Variants in TMEM30A observed in about 807,000 individuals in gnomAD.
TMEM30A encodes the protein cell cycle control protein 50A.
A neutral mutation model predicts 38.2 loss-of-function variants in TMEM30A; 24 were observed. That is an observed-to-expected ratio of 0.63 (90% CI 0.46 to 0.88). The LOEUF (loss-of-function observed/expected upper bound fraction) is 0.88, where lower values mean the gene tolerates loss of function less well. Ranked by LOEUF, TMEM30A falls within the 40% of genes least tolerant of loss-of-function variation. TMEM30A has a pLI of 0.00. For missense variants in TMEM30A, 370 were observed against 458.6 expected, an observed-to-expected ratio of 0.81 and a Z score of 1.77; for synonymous variants, 145 against 161.6, an observed-to-expected ratio of 0.90 and a Z score of 0.78.
At chr6:75,277,130 A>C (rs1165011205) in intron 1 of TMEM30A, among the ~76,000 whole-genome samples, 1 of 152,158 alleles carries the variant, frequency 6.6e-6, no homozygotes, top group African/African-American at 2.4e-5. Context: ...TAAGGAGTTA[A>C]AGGGAGATGG....
rs1772422354 is a variant in TMEM30A, at chr6:75,284,419, TGTTGGAG to T, written c.213_219del (p.Ser72ThrfsTer26). ...CCCCTCACCTCGATCTCGCGGATGT[TGTTGGAG>T]GTGACAAAAATGCCAATGCCGATGG... On this transcript the variant is annotated frameshift_variant, in exon 1 of 7. Coordinates refer to ENST00000230461, the MANE Select transcript of TMEM30A (RefSeq NM_018247.4). LOFTEE classifies it high-confidence loss of function. 6.2e-7 allele frequency: 1 copy of T among 1,613,764 alleles called. No individual in the cohort carries two copies. Among genetic ancestry groups the T allele is most frequent in the Non-Finnish European group, 8.5e-7 (1 of 1,179,874 alleles).
At position 75,253,089 on chromosome 6, in the gene TMEM30A, G is replaced by A. The variant is rs993972135; in HGVS notation, c.*3013C>T. On this transcript the variant is annotated 3_prime_UTR_variant, in exon 7 of 7. Coordinates refer to ENST00000230461, the MANE Select transcript of TMEM30A (RefSeq NM_018247.4). ...CTTATGCATCAAAATTCTTGTAAAA[G>A]GACCACTTCCCTACTCCCTCCACCC... 2.0e-5 allele frequency: 3 copies of A among 151,428 alleles called. No homozygotes were observed. The highest frequency in any genetic ancestry group is 4.4e-5 in the Non-Finnish European group (3 of 67,928). 9.4% of individuals were successfully genotyped at this position (151,428 alleles called of 1,614,324 possible). A position where few individuals can be genotyped will look rare whatever the true frequency, so the allele number is the denominator to read the frequency against.
At chr6:75,259,013 GA>G (rs1420424672) in intron 5 of TMEM30A, 27 bp from the exon 6 acceptor site, 1 of 1,575,680 alleles carries the variant, frequency 6.3e-7, no homozygotes, top group Admixed American at 1.7e-5. Flanking sequence ...AGGGGATAAG[GA>G]GACAAAATAT....
At chr6:75,271,277 G>C (rs1772164288) in intron 1 of TMEM30A, among the ~76,000 whole-genome samples, 1 of 152,000 alleles carries the variant, frequency 6.6e-6, no homozygotes, top group Non-Finnish European at 1.5e-5. Flanking sequence ...AAAATAATCT[G>C]ATGGAATTTG....
chr6:75,258,411 A>T (rs981387752), intron 6 of TMEM30A, among the ~76,000 whole-genome samples: 1 of 152,084 alleles, frequency 6.6e-6, no homozygotes, highest in Admixed American at 6.6e-5. Flanking sequence ...TAATATCTAA[A>T]ATATATATAT....
intron 1 of TMEM30A, among the ~76,000 whole-genome samples, chr6:75,284,028 G>GC (rs1312964966): frequency 4.6e-5 from 7 of 150,814 alleles, no homozygotes; most frequent in African/African-American, 7.3e-5. Context: ...AGTTACAATT[G>GC]CCCCCCGCCC....
At position 75,258,982 on chromosome 6, in the gene TMEM30A, T is replaced by C. The variant is rs776957310; in HGVS notation, c.690A>G (p.Thr230=). The change falls in exon 6 of 7, where the codon ACA becomes ACG. Residue 230 remains threonine (T), a synonymous_variant. Transcript: ENST00000230461. ...GDNLEERFKG[T]TKPVNWLKPV... The stretch of plus-strand genomic sequence containing the variant: ...GTTTAAGCCAGTTCACAGGCTTTGT[T>C]GTACCTTAAAAGGAGTGGGGAGGGG... The C allele has an allele frequency of 6.2e-7, 1 of 1,613,072 alleles. No individual in the cohort carries two copies. Among genetic ancestry groups the C allele is most frequent in the Admixed American group, 1.7e-5 (1 of 60,002 alleles).
rs190649074 is a variant in TMEM30A at position 75,274,860 on chromosome 6, A to G, written c.238-7112T>C. ...CCCCGTCTCTACTAAAAATACAAAA[A>G]ATTAGCCAGGCCTGGTGGCGGGCGC... On this transcript the variant is annotated intron_variant, in intron 1 of 6. Coordinates refer to ENST00000230461, the MANE Select transcript of TMEM30A (RefSeq NM_018247.4). Among the ~76,000 whole-genome samples, 231 of 152,164 alleles carry G rather than the reference A, an allele frequency of 1.5e-3. 2 individuals are homozygous for G. The highest frequency in any genetic ancestry group is 5.3e-3 in the African/African-American group (219 of 41,522).
chr6:75,262,610 C>A (rs1201752019), intron 3 of TMEM30A, among the ~76,000 whole-genome samples: 2 of 151,310 alleles, frequency 1.3e-5, no homozygotes, highest in African/African-American at 2.4e-5. Context: ...CCACTGCACT[C>A]CAGCCTGGGC....
rs1772093080 is a variant in TMEM30A, at chr6:75,267,720, C to T, written c.266G>A (p.Ser89Asn). 1 of 1,609,706 alleles carries T rather than the reference C, an allele frequency of 6.2e-7. No homozygotes were observed. The highest frequency in any genetic ancestry group is 1.1e-5 in the South Asian group (1 of 90,278). ...CGGAGATAAACATTTATTACAGGGACTGGAAGGCTCTGTTCCGGTATAATC... is the reference window on the plus strand; with the variant it reads ...CGGAGATAAACATTTATTACAGGGATTGGAAGGCTCTGTTCCGGTATAATC... ...EIDYTGTEPS[S>N]PCNKCLSPDV... The change falls in exon 2 of 7, where the codon AGT (serine) becomes AAT (asparagine). Residue 89 changes from serine to asparagine, a missense_variant. By Grantham distance (46) the Ser-to-Asn change is conservative (BLOSUM62 1). Coordinates refer to ENST00000230461, the MANE Select transcript of TMEM30A (RefSeq NM_018247.4).
At chr6:75,280,731 A>G (rs1239218849) in intron 1 of TMEM30A, among the ~76,000 whole-genome samples, 2 of 152,162 alleles carry the variant, frequency 1.3e-5, no homozygotes, top group African/African-American at 4.8e-5. Flanking sequence ...TCCAAAAGTC[A>G]GCTTCTAAGT....
chr6:75,267,422 AC>A (rs994063789), intron 2 of TMEM30A, among the ~76,000 whole-genome samples: 15 of 152,344 alleles, frequency 9.8e-5, no homozygotes, highest in Non-Finnish European at 1.8e-4. Context: ...AATTTTGTCT[AC>A]AAAGTACTAA....
At chr6:75,279,068 C>T (rs555807745) in intron 1 of TMEM30A, among the ~76,000 whole-genome samples, 65 of 152,002 alleles carry the variant, frequency 4.3e-4, no homozygotes, top group African/African-American at 1.5e-3. Flanking sequence ...GTCTCATCTT[C>T]CCCAAAAGAT....
intron 1 of TMEM30A, among the ~76,000 whole-genome samples, chr6:75,276,260 G>A (rs544666674): frequency 1.3e-5 from 2 of 152,070 alleles, no homozygotes; most frequent in African/African-American, 4.8e-5. Flanking sequence ...ACGGGTAAAC[G>A]TAAATAAAGT....
At chr6:75,271,276 T>A (rs1772164213) in intron 1 of TMEM30A, among the ~76,000 whole-genome samples, 1 of 152,154 alleles carries the variant, frequency 6.6e-6, no homozygotes, top group African/African-American at 2.4e-5. Flanking sequence ...AAAAATAATC[T>A]GATGGAATTT....
intron 1 of TMEM30A, among the ~76,000 whole-genome samples, chr6:75,283,999 C>T (rs1772410117): frequency 6.6e-6 from 1 of 152,174 alleles, no homozygotes; most frequent in Non-Finnish European, 1.5e-5. Context: ...TGTCAATTCA[C>T]TCAGGGTTAC....
At chr6:75,274,118 G>A (rs1772219942) in intron 1 of TMEM30A, among the ~76,000 whole-genome samples, 1 of 152,132 alleles carries the variant, frequency 6.6e-6, no homozygotes, top group Admixed American at 6.5e-5. Context: ...TATACCAGGT[G>A]GAAAAAGGAG....
At position 75,256,006 on chromosome 6, in the gene TMEM30A, A is replaced by C; in HGVS notation, c.*96T>G. The C allele has an allele frequency of 2.3e-6, 2 of 860,764 alleles. No individual in the cohort carries two copies. The highest frequency in any genetic ancestry group is 3.5e-6 in the Non-Finnish European group (2 of 579,592). 53.3% of individuals were successfully genotyped at this position (860,764 alleles called of 1,614,324 possible). On this transcript the variant is annotated 3_prime_UTR_variant, in exon 7 of 7. Coordinates refer to ENST00000230461, the MANE Select transcript of TMEM30A (RefSeq NM_018247.4). ...TTTAGAAAAGTTATGTGCCAACTTCAAAATGACATACTAACCAGATATCAG... is the reference window on the plus strand; with the variant it reads ...TTTAGAAAAGTTATGTGCCAACTTCCAAATGACATACTAACCAGATATCAG...
intron 3 of TMEM30A, among the ~76,000 whole-genome samples, chr6:75,263,445 G>A (rs1462471178): frequency 2.6e-5 from 4 of 152,176 alleles, no homozygotes; most frequent in African/African-American, 9.7e-5. Context: ...AGGATTGGAT[G>A]ATGTGAGACA....
Sources: allele counts gnomAD v4.1 joint callset (sites outside exome capture counted in the v4.1 genomes callset), GRCh38; gene constraint gnomAD v4.1.1; transcripts MANE v1.5; gene names NCBI Gene and HGNC (gene_info 2026-07-23, HGNC 2026-07-21).